AGPS: variants seen among roughly 807,000 people sequenced by gnomAD.
The protein encoded by AGPS is alkyldihydroxyacetonephosphate synthase, peroxisomal.
Under a neutral mutation model 90.7 loss-of-function variants are expected in AGPS, and 26 were observed. The ratio of observed to expected loss-of-function variants is 0.29; its 90% CI spans 0.21 to 0.40. The LOEUF (loss-of-function observed/expected upper bound fraction) is 0.40. Among genes scored for constraint, AGPS ranks in the 10% least tolerant of loss-of-function variants. The pLI is 1.00. For synonymous variants in AGPS, 294 were observed against 285.3 expected (o/e 1.03, Z -0.31); for missense variants, 540 against 816.1 (o/e 0.66, Z 4.12).
At chr2:177,481,425 T>A (rs1016780071) in intron 10 of AGPS, among the ~76,000 whole-genome samples, 1 of 151,944 alleles carries the variant, frequency 6.6e-6, no homozygotes, top group Non-Finnish European at 1.5e-5. Flanking sequence ...TGTGTTTTTA[T>A]TTTTTCTTTT....
At chr2:177,466,096 G>A (rs1687438852) in intron 9 of AGPS, among the ~76,000 whole-genome samples, 1 of 152,190 alleles carries the variant, frequency 6.6e-6, no homozygotes, top group African/African-American at 2.4e-5. Context: ...GCTCTCAGCA[G>A]AGAGCCCACA....
intron 10 of AGPS, among the ~76,000 whole-genome samples, chr2:177,476,973 C>A (rs1687798169): frequency 6.6e-6 from 1 of 151,932 alleles, no homozygotes. Flanking sequence ...GTCACTCTAG[C>A]TTTCTTGTGT....
chr2:177,482,880 G>A (rs960223780), intron 11 of AGPS, among the ~76,000 whole-genome samples: 16 of 152,026 alleles, frequency 1.1e-4, no homozygotes, highest in African/African-American at 3.9e-4. Flanking sequence ...CTCGGCATTT[G>A]GTTTATTGTT....
intron 1 of AGPS, among the ~76,000 whole-genome samples, chr2:177,408,479 C>A (rs1663244536): frequency 6.6e-6 from 1 of 152,148 alleles, no homozygotes; most frequent in African/African-American, 2.4e-5. Flanking sequence ...AAAATATGAT[C>A]TCTGTATAGC....
At chr2:177,483,051 A>T (rs1380952210) in intron 11 of AGPS, among the ~76,000 whole-genome samples, 1 of 151,926 alleles carries the variant, frequency 6.6e-6, no homozygotes, top group Non-Finnish European at 1.5e-5. Flanking sequence ...AGGACAAGGG[A>T]GTTTTTGATG....
At chr2:177,508,306 T>C (rs1170528976) in intron 16 of AGPS, among the ~76,000 whole-genome samples, 1 of 152,208 alleles carries the variant, frequency 6.6e-6, no homozygotes, top group Non-Finnish European at 1.5e-5. Context: ...ATGCTCAGTG[T>C]TACTATGTGG....
At chr2:177,466,469 C>T (rs1326694925) in intron 9 of AGPS, among the ~76,000 whole-genome samples, 1 of 152,216 alleles carries the variant, frequency 6.6e-6, no homozygotes, top group African/African-American at 2.4e-5. Context: ...TGGGGTTTCA[C>T]CGGGGACCGC....
intron 2 of AGPS, among the ~76,000 whole-genome samples, chr2:177,422,207 T>C (rs1367103257): frequency 6.6e-6 from 1 of 152,196 alleles, no homozygotes; most frequent in Non-Finnish European, 1.5e-5. Flanking sequence ...AACCTCAGTG[T>C]ATTCATTTAT....
intron 5 of AGPS, among the ~76,000 whole-genome samples, chr2:177,437,645 AT>A (rs1270935062): frequency 1.3e-5 from 2 of 152,184 alleles, no homozygotes; most frequent in African/African-American, 4.8e-5. Flanking sequence ...TTAGCAGGTA[AT>A]TTAAAGCAAG....
At chr2:177,449,832 T>C (rs191157954) in intron 8 of AGPS, among the ~76,000 whole-genome samples, 1 of 152,194 alleles carries the variant, frequency 6.6e-6, no homozygotes, top group East Asian at 1.9e-4. Context: ...TCTCCTTAAA[T>C]TATTTGCCCA....
At chr2:177,395,034 ATC>A (rs1574334632) in intron 1 of AGPS, among the ~76,000 whole-genome samples, 1 of 152,298 alleles carries the variant, frequency 6.6e-6, no homozygotes, top group East Asian at 1.9e-4. Flanking sequence ...AAAGGATTTC[ATC>A]TCGTCTCCTG....
At chr2:177,504,831 CTT>C (rs1688663682) in intron 14 of AGPS, among the ~76,000 whole-genome samples, 1 of 151,990 alleles carries the variant, frequency 6.6e-6, no homozygotes, top group Non-Finnish European at 1.5e-5. Context: ...CATTCATTGT[CTT>C]TTAAAATAAG....
chr2:177,448,921 T>G (rs1686856124), intron 8 of AGPS, among the ~76,000 whole-genome samples: 1 of 152,222 alleles, frequency 6.6e-6, no homozygotes, highest in South Asian at 2.1e-4. Flanking sequence ...ACAATTTTAA[T>G]AAAGTGGAAT....
chr2:177,511,955 C>T (rs5001527), intron 16 of AGPS, among the ~76,000 whole-genome samples: 1 of 129,096 alleles, frequency 7.7e-6, no homozygotes, highest in South Asian at 2.9e-4. Flanking sequence ...CATTTAAGTG[C>T]ATTTAAACTG....
intron 16 of AGPS, among the ~76,000 whole-genome samples, chr2:177,510,106 C>G (rs1688828235): frequency 6.6e-6 from 1 of 152,146 alleles, no homozygotes; most frequent in African/African-American, 2.4e-5. Context: ...GTTTGGCCTG[C>G]TATACAGAGC....
At chr2:177,465,863 G>A (rs1687430277) in intron 9 of AGPS, among the ~76,000 whole-genome samples, 1 of 152,238 alleles carries the variant, frequency 6.6e-6, no homozygotes. Context: ...CCCTCCATGG[G>A]GCAAACAAGG....
intron 14 of AGPS, among the ~76,000 whole-genome samples, chr2:177,502,974 A>T (rs564543199): frequency 6.6e-6 from 1 of 152,244 alleles, no homozygotes; most frequent in Admixed American, 6.5e-5. Flanking sequence ...AGTTTAGCTC[A>T]TGTATTTTAT....
chr2:177,407,237 G>C (rs1685493082), intron 1 of AGPS, among the ~76,000 whole-genome samples: 1 of 152,114 alleles, frequency 6.6e-6, no homozygotes, highest in Non-Finnish European at 1.5e-5. Context: ...ATAGTGTTAT[G>C]CAATACTGTC....
intron 8 of AGPS, among the ~76,000 whole-genome samples, chr2:177,458,550 A>G (rs1687189687): frequency 6.6e-6 from 1 of 152,214 alleles, no homozygotes; most frequent in African/African-American, 2.4e-5. Context: ...AGAGAGCCAA[A>G]TCATGAGTGA....
Sources: gnomAD v4.1 joint callset for allele counts (sites outside exome capture counted in the v4.1 genomes callset) on GRCh38, gnomAD v4.1.1 for gene constraint, MANE v1.5 for transcripts, NCBI Gene and HGNC (gene_info 2026-07-23, HGNC 2026-07-21) for gene names.